The following COL19A1 variants were observed in gnomAD, a reference collection of about 807,000 sequenced individuals.
COL19A1 encodes the protein collagen type XIX alpha 1 chain, also known as collagen alpha-1(XIX) chain.
A neutral mutation model predicts 190.2 loss-of-function variants in COL19A1; 159 were observed. The observed-to-expected ratio is 0.84, with a 90% CI of 0.73 to 0.95. COL19A1 has a LOEUF of 0.95. COL19A1 is among the 40% of genes least tolerant of loss of function. COL19A1 has a pLI of 0.00. For synonymous variants in COL19A1, 509 were observed against 458.9 expected (o/e 1.11, Z -1.39); for missense variants, 1,418 against 1,431.9 (o/e 0.99, Z 0.16).
intron 15 of COL19A1, among the ~76,000 whole-genome samples, chr6:70,079,392 A>G (rs1782096396): frequency 6.6e-6 from 1 of 152,226 alleles, no homozygotes; most frequent in African/African-American, 2.4e-5. Context: ...TACTGTTAGC[A>G]AGTCATCAGT....
chr6:70,119,848 TG>T (rs1784783876), intron 16 of COL19A1, among the ~76,000 whole-genome samples: 1 of 152,222 alleles, frequency 6.6e-6, no homozygotes, highest in Admixed American at 6.5e-5. Flanking sequence ...ACCAGCACTT[TG>T]GGAAGCCAAG....
chr6:70,023,686 C>G lies in COL19A1; in HGVS notation c.1080+6C>G, dbSNP rs1367949159. On this transcript the variant is annotated splice_donor_region_variant and intron_variant, in intron 12 of 50. Transcript: ENST00000620364. Reference sequence around the variant, plus strand: ...CTGGCCTTAATGGAGAAAATGTAAGCCTAACTCTTTTTTCTGATACTCTGT... The same window carrying G: ...CTGGCCTTAATGGAGAAAATGTAAGGCTAACTCTTTTTTCTGATACTCTGT... 1 of 1,606,742 alleles carries G rather than the reference C, an allele frequency of 6.2e-7. No individual in the cohort carries two copies. Among genetic ancestry groups the G allele is most frequent in the East Asian group, 2.2e-5 (1 of 44,736 alleles).
In COL19A1 at chr6:70,151,463, T is replaced by C. The variant is rs369604959; in HGVS notation, c.2079+25T>C. ...GGTACTCTATTGCTATGTAAGAAAT[T>C]ATGTGTTAATTTCCAGGAAAAATTA... On this transcript the variant is annotated intron_variant, in intron 31 of 50. Coordinates refer to ENST00000620364, the MANE Select transcript of COL19A1 (RefSeq NM_001858.6). 1.4e-5 allele frequency: 23 copies of C among 1,606,962 alleles called. No homozygotes were observed. The African/African-American group carries it at 2.9e-4, about 21-fold the overall frequency.
At chr6:70,207,033 G>C (rs560003060) in intron 50 of COL19A1, 55 bp downstream of exon 50, 1 of 1,606,460 alleles carries the variant, frequency 6.2e-7, no homozygotes. Context: ...TTAGAACCAT[G>C]CTTCTCCCCT....
chr6:69,870,036 C>A (rs569482704), intron 1 of COL19A1, among the ~76,000 whole-genome samples: 15 of 152,250 alleles, frequency 9.9e-5, no homozygotes, highest in African/African-American at 3.4e-4. Flanking sequence ...GTTCACTGAG[C>A]TTTCTTTTAG....
intron 7 of COL19A1, among the ~76,000 whole-genome samples, chr6:69,934,555 A>G (rs141601059): frequency 1.3e-5 from 2 of 151,954 alleles, no homozygotes; most frequent in Non-Finnish European, 2.9e-5. Context: ...TTTAAGAAGT[A>G]TAGGTGATGA....
chr6:70,191,814 T>G (rs1766891384), intron 48 of COL19A1, among the ~76,000 whole-genome samples: 1 of 152,298 alleles, frequency 6.6e-6, no homozygotes, highest in Non-Finnish European at 1.5e-5. Context: ...GTTGAATTTT[T>G]TTAAGGAATA....
intron 11 of COL19A1, among the ~76,000 whole-genome samples, chr6:69,995,788 C>T (rs1776870205): frequency 6.6e-6 from 1 of 152,066 alleles, no homozygotes; most frequent in Admixed American, 6.6e-5. Flanking sequence ...TTGATACCTA[C>T]ATTTGTAGTT....
intron 11 of COL19A1, 130 bp downstream of exon 11, chr6:69,963,000 C>A: frequency 1.8e-6 from 1 of 555,036 alleles, no homozygotes; most frequent in Non-Finnish European, 3.0e-6. Context: ...ATAACTAAAA[C>A]ATTTGCTTCC....
Position 70,135,158 on chromosome 6 carries a change from G to A in COL19A1, c.1384-2527G>A, listed in dbSNP as rs559827710. On this transcript the variant is annotated intron_variant, in intron 18 of 50. Transcript: ENST00000620364. ...GCATAAGGCAAGGTATGTGGGAAGGGGTGCCAAGGTTCCAAGCTTCCATGC... is the reference window on the plus strand; with the variant it reads ...GCATAAGGCAAGGTATGTGGGAAGGAGTGCCAAGGTTCCAAGCTTCCATGC... Among the ~76,000 whole-genome samples, 189 of 152,266 alleles carry A rather than the reference G, an allele frequency of 1.2e-3. 1 individual carries two copies. The highest frequency in any genetic ancestry group is 1.9e-3 in the Non-Finnish European group (129 of 68,020).
chr6:70,111,176 A>G (rs1784263837), intron 16 of COL19A1, among the ~76,000 whole-genome samples: 1 of 152,222 alleles, frequency 6.6e-6, no homozygotes, highest in African/African-American at 2.4e-5. Flanking sequence ...GTAGGCAAGA[A>G]AAGATTATTT....
chr6:69,895,848 CAATTT>C (rs1405889262), intron 2 of COL19A1, among the ~76,000 whole-genome samples: 1 of 152,164 alleles, frequency 6.6e-6, no homozygotes, highest in Non-Finnish European at 1.5e-5. Context: ...GTATATGCCA[CAATTT>C]AATTATCTTG....
At chr6:70,127,100 G>A (rs974590210) in intron 17 of COL19A1, among the ~76,000 whole-genome samples, 3 of 152,114 alleles carry the variant, frequency 2.0e-5, no homozygotes, top group African/African-American at 7.2e-5. Flanking sequence ...ACTAGTTTCT[G>A]GCCAGACAAA....
chr6:69,966,259 G>A (rs529460576), intron 11 of COL19A1, among the ~76,000 whole-genome samples: 11 of 152,276 alleles, frequency 7.2e-5, no homozygotes, highest in South Asian at 6.2e-4. Flanking sequence ...CCGCCACCCC[G>A]TCTGGGAGGT....
chr6:69,995,265 C>A (rs1254828972), intron 11 of COL19A1, among the ~76,000 whole-genome samples: 1 of 152,158 alleles, frequency 6.6e-6, no homozygotes, highest in Admixed American at 6.6e-5. Flanking sequence ...CTATGAATGT[C>A]TCCTTTATCC....
chr6:69,941,902 C>A (rs1342929727), intron 9 of COL19A1, among the ~76,000 whole-genome samples: 1 of 152,066 alleles, frequency 6.6e-6, no homozygotes, highest in Non-Finnish European at 1.5e-5. Context: ...GTTGACCAGG[C>A]TGGTCTCGAA....
intron 6 of COL19A1, among the ~76,000 whole-genome samples, chr6:69,930,206 A>G (rs1286945566): frequency 1.3e-5 from 2 of 152,188 alleles, no homozygotes; most frequent in Non-Finnish European, 2.9e-5. Flanking sequence ...AAAATTCACT[A>G]AATGTATTAG....
chr6:69,944,394 G>A (rs1200133826), intron 9 of COL19A1, among the ~76,000 whole-genome samples: 1 of 151,978 alleles, frequency 6.6e-6, no homozygotes, highest in Non-Finnish European at 1.5e-5. Flanking sequence ...TATACCTCAA[G>A]GAAAGTTTAA....
chr6:70,008,307 GA>G (rs1373073106), intron 11 of COL19A1, among the ~76,000 whole-genome samples: 3 of 149,088 alleles, frequency 2.0e-5, no homozygotes, highest in Non-Finnish European at 3.0e-5. Flanking sequence ...GACTGATCAG[GA>G]AAAAAAAAGG....
Sources: allele counts gnomAD v4.1 joint callset (sites outside exome capture counted in the v4.1 genomes callset), GRCh38; gene constraint gnomAD v4.1.1; transcripts MANE v1.5; gene names NCBI Gene and HGNC (gene_info 2026-07-23, HGNC 2026-07-21).